MYO9A: variants seen among roughly 807,000 people sequenced by gnomAD.
MYO9A encodes myosin IXA, also known as unconventional myosin-IXa.
In MYO9A, 103 loss-of-function variants were observed where a neutral mutation model predicts 293.3. That is an observed-to-expected ratio of 0.35 (90% CI 0.30 to 0.41). MYO9A has a LOEUF of 0.41. MYO9A is among the 10% of genes least tolerant of loss of function. MYO9A has a pLI of 1.00. For synonymous variants in MYO9A, 1,001 were observed against 1,035.7 expected (o/e 0.97, Z 0.64); for missense variants, 2,685 against 3,033.0 (o/e 0.89, Z 2.69).
chr15:72,046,663 G>T, intron 1 of MYO9A, 29 bp from the exon 2 acceptor site: 1 of 1,386,110 alleles, frequency 7.2e-7, no homozygotes. Flanking sequence ...AAAATATTTA[G>T]AAGTAAATAC....
At chr15:72,086,214 T>C (rs2079720292) in intron 1 of MYO9A, among the ~76,000 whole-genome samples, 1 of 152,144 alleles carries the variant, frequency 6.6e-6, no homozygotes, top group Non-Finnish European at 1.5e-5. Context: ...TTTGTAGCAG[T>C]GGTACAGGCA....
At chr15:72,023,036 A>G (rs1219139249) in intron 4 of MYO9A, among the ~76,000 whole-genome samples, 2 of 152,076 alleles carry the variant, frequency 1.3e-5, no homozygotes, top group African/African-American at 4.8e-5. Context: ...AGAAAGTCAC[A>G]TTTAATGAAC....
chr15:72,111,577 T>C (rs1167916569), intron 1 of MYO9A, among the ~76,000 whole-genome samples: 1 of 151,642 alleles, frequency 6.6e-6, no homozygotes, highest in Non-Finnish European at 1.5e-5. Context: ...ATATGCTTGG[T>C]GCTTTACATA....
rs778808545 is a variant in MYO9A, at chr15:71,898,386, C to A, written c.4117G>T (p.Ala1373Ser). 2 of 1,613,414 alleles carry A rather than the reference C, an allele frequency of 1.2e-6. No homozygotes were observed. The highest frequency in any genetic ancestry group is 1.7e-6 in the Non-Finnish European group (2 of 1,180,014). ...CTAGTCTCATTTGAGGCACTGAGGG[C>A]ATTGTCCCGTGAATCAAATTTTGGA... ...SSPKFDSRDN[A>S]LSASNETSSA... is the part of the protein sequence containing the mutation. Residue 1373 changes from alanine (A) to serine (S), a missense_variant, in exon 25 of 42, where the codon GCC (alanine) becomes TCC (serine). Ala to Ser is a moderately conservative substitution (Grantham distance 99, BLOSUM62 1). Around this residue, in one of 10 missense-constraint regions of MYO9A, gnomAD observed 1,434 missense variants for 1,497.7 expected, o/e 0.96. Coordinates refer to ENST00000356056, the MANE Select transcript of MYO9A (RefSeq NM_006901.4).
intron 1 of MYO9A, among the ~76,000 whole-genome samples, chr15:72,104,220 C>A (rs2080489893): frequency 1.3e-5 from 2 of 152,264 alleles, no homozygotes; most frequent in East Asian, 3.9e-4. Context: ...TACTGTGTTG[C>A]CAGATGATTC....
rs547847192 is a variant in MYO9A, at chr15:72,023,893, C to T, written c.999-2876G>A. On this transcript the variant is annotated intron_variant, in intron 4 of 41. Coordinates refer to ENST00000356056, the MANE Select transcript of MYO9A (RefSeq NM_006901.4). ...GTATAAACTCAAATCCACATTTTGA[C>T]AAACCAAAATTCTTGAAAGGCAAAG... is the stretch of plus-strand genomic sequence containing the variant. Among the ~76,000 whole-genome samples, 49 of 152,138 alleles carry T rather than the reference C, an allele frequency of 3.2e-4. No homozygotes were observed. In the East Asian group the frequency reaches 9.5e-3, roughly 29 times the overall value.
intron 19 of MYO9A, among the ~76,000 whole-genome samples, chr15:71,907,758 G>A (rs1159798882): frequency 1.3e-5 from 2 of 151,950 alleles, no homozygotes; most frequent in South Asian, 2.1e-4. Flanking sequence ...AGAAGTGTCT[G>A]TTCATGTCCT....
chr15:71,935,432 G>T lies in MYO9A; in HGVS notation c.2431C>A (p.Leu811Ile). The change falls in exon 17 of 42, where the codon CTA becomes ATA. Residue 811 changes from leucine (L) to isoleucine (I), a missense_variant. This residue lies in a region of MYO9A where 1,434 missense variants were observed against 1,497.7 expected (regional missense o/e 0.96). Coordinates refer to ENST00000356056, the MANE Select transcript of MYO9A (RefSeq NM_006901.4). Reference sequence around the variant, plus strand: ...TCAAGCAAGGAGGTGCCACTTGATAGTCTGCTCTGGCGAATCCCAGTTCTG... The same window carrying T: ...TCAAGCAAGGAGGTGCCACTTGATATTCTGCTCTGGCGAATCCCAGTTCTG... The part of the protein sequence containing the change: ...NGRTGIRQSR[L>I]SSGTSLLDKD... 6.2e-7 allele frequency: 1 copy of T among 1,613,650 alleles called. No individual in the cohort carries two copies. Among genetic ancestry groups the T allele is most frequent in the Non-Finnish European group, 8.5e-7 (1 of 1,179,652 alleles).
chr15:71,956,281 A>C (rs1265466530), intron 14 of MYO9A, among the ~76,000 whole-genome samples: 1 of 143,528 alleles, frequency 7.0e-6, no homozygotes, highest in African/African-American at 2.6e-5. Context: ...CTGCATTCCA[A>C]CACATGCAAC....
intron 2 of MYO9A, chr15:72,045,135 G>C (rs1326896848): frequency 1.3e-5 from 2 of 152,124 alleles, no homozygotes; most frequent in African/African-American, 2.4e-5. Context: ...TTGTAGAGCA[G>C]GGCTACGCTG....
At chr15:72,005,585 C>T (rs751870772) in intron 8 of MYO9A, among the ~76,000 whole-genome samples, 1 of 152,202 alleles carries the variant, frequency 6.6e-6, no homozygotes, top group African/African-American at 2.4e-5. Context: ...CCTGGTAGAA[C>T]TTCTTTCCAG....
chr15:72,104,116 T>C (rs1335601631), intron 1 of MYO9A, among the ~76,000 whole-genome samples: 1 of 152,164 alleles, frequency 6.6e-6, no homozygotes, highest in Admixed American at 6.5e-5. Flanking sequence ...TTTCCCAGGC[T>C]AGCAATATGC....
At chr15:71,868,693 T>C (rs2056414268) in intron 32 of MYO9A, among the ~76,000 whole-genome samples, 1 of 152,196 alleles carries the variant, frequency 6.6e-6, no homozygotes, top group Admixed American at 6.5e-5. Flanking sequence ...GCTGTTATTA[T>C]ATAACATGCT....
At chr15:71,938,803 T>G (rs768345645) in intron 16 of MYO9A, 49 bp downstream of exon 16, 1 of 1,432,044 alleles carries the variant, frequency 7.0e-7, no homozygotes, top group African/African-American at 1.5e-5. Context: ...ATAAGAATGT[T>G]AGTTATTTCT....
At chr15:72,062,418 T>C (rs926691977) in intron 1 of MYO9A, among the ~76,000 whole-genome samples, 1 of 152,192 alleles carries the variant, frequency 6.6e-6, no homozygotes, top group East Asian at 1.9e-4. Flanking sequence ...GAATTCAAGA[T>C]ACTTGTTTTC....
At position 71,825,107 on chromosome 15, in the gene MYO9A, G is replaced by A. The variant is rs2054419632; in HGVS notation, c.*1473C>T. On this transcript the variant is annotated 3_prime_UTR_variant, in exon 42 of 42. Transcript: ENST00000356056. ...ATTTCACATACTTATCTCAAGAAAGGCTATCATGTTTCATTTTTTATATAT... is the reference window on the plus strand; with the variant it reads ...ATTTCACATACTTATCTCAAGAAAGACTATCATGTTTCATTTTTTATATAT... The A allele has an allele frequency of 6.6e-6, 1 of 152,128 alleles. No individual in the cohort carries two copies. The highest frequency in any genetic ancestry group is 6.6e-5 in the Admixed American group (1 of 15,266). 9.4% of individuals were successfully genotyped at this position (152,128 alleles called of 1,614,324 possible).
chr15:72,032,588 C>A lies in MYO9A; in HGVS notation c.841G>T (p.Ala281Ser). 6.3e-7 allele frequency: 1 copy of A among 1,578,340 alleles called. No homozygotes were observed. The highest frequency in any genetic ancestry group is 1.2e-5 in the South Asian group (1 of 83,608). The change falls in exon 3 of 42, where the codon GCC becomes TCC. Residue 281 changes from alanine to serine, a missense_variant and splice_region_variant. Ala to Ser is a moderately conservative substitution (Grantham distance 99). This residue lies in a region of MYO9A where 289 missense variants were observed against 456.8 expected (regional missense o/e 0.63). Coordinates refer to ENST00000356056, the MANE Select transcript of MYO9A (RefSeq NM_006901.4). Reference protein sequence around the residue: ...IILGAGPVLEAFGNAKTAHNN... With the variant: ...IILGAGPVLESFGNAKTAHNN... ...TGAGCTGTCTTTGCATTTCCAAAGG[C>A]CTGTCAAAATAAATAATTCTCATTA...
chr15:71,995,484 A>G (rs1251085840), intron 9 of MYO9A, among the ~76,000 whole-genome samples: 2 of 151,928 alleles, frequency 1.3e-5, no homozygotes, highest in African/African-American at 2.4e-5. Context: ...TCTCAATACT[A>G]TCTGCTCTAT....
At chr15:72,063,030 T>C (rs902148337) in intron 1 of MYO9A, among the ~76,000 whole-genome samples, 1 of 152,156 alleles carries the variant, frequency 6.6e-6, no homozygotes, top group Non-Finnish European at 1.5e-5. Context: ...TATGGAGCTA[T>C]AGTAACCAAA....
Sources: allele counts gnomAD v4.1 joint callset (sites outside exome capture counted in the v4.1 genomes callset), GRCh38; gene constraint gnomAD v4.1.1; regional missense constraint gnomAD v4.1.1; transcripts MANE v1.5; gene names NCBI Gene and HGNC (gene_info 2026-07-23, HGNC 2026-07-21).